Variants in SERAC1 observed in about 807,000 individuals in gnomAD.
SERAC1 encodes protein SERAC1.
A neutral mutation model predicts 85.7 loss-of-function variants in SERAC1; 36 were observed. The observed-to-expected ratio is 0.42, with a 90% CI of 0.32 to 0.55. SERAC1 has a LOEUF of 0.55. SERAC1 is among the 20% of genes least tolerant of loss of function. The probability of loss-of-function intolerance (pLI) is 0.11; values close to 1 mark genes in which losing one functional copy is unlikely to be tolerated. For missense variants in SERAC1, 629 were observed against 796.2 expected, an observed-to-expected ratio of 0.79 and a Z score of 2.53; for synonymous variants, 242 against 265.3, an observed-to-expected ratio of 0.91 and a Z score of 0.85.
In SERAC1 at chr6:158,114,953, A is replaced by G; in HGVS notation, c.1520T>C (p.Met507Thr). Residue 507 changes from methionine (M) to threonine (T), a missense_variant, in exon 15 of 17, where the codon ATG (methionine) becomes ACG (threonine). Transcript: ENST00000647468. ...HSMGGLLVKK[M>T]LLEASTKPEM... ...TGGCTTCGTAGAGGCTTCCAACAGC[A>G]TCTTTTTGACAAGAAGACCTAGCCA... The G allele has an allele frequency of 6.2e-7, 1 of 1,611,670 alleles. No individual in the cohort carries two copies. Among genetic ancestry groups the G allele is most frequent in the Non-Finnish European group, 8.5e-7 (1 of 1,179,070 alleles).
chr6:158,123,748 G>A (rs530034450), intron 10 of SERAC1, among the ~76,000 whole-genome samples: 1 of 152,114 alleles, frequency 6.6e-6, no homozygotes, highest in Middle Eastern at 3.2e-3. Flanking sequence ...GGGAGTTGTA[G>A]GTACTGGCAA....
intron 10 of SERAC1, among the ~76,000 whole-genome samples, chr6:158,124,602 G>A (rs765680771): frequency 5.3e-5 from 8 of 151,944 alleles, no homozygotes; most frequent in Non-Finnish European, 1.0e-4. Flanking sequence ...GCATTTCAGA[G>A]TCAAAAATCA....
chr6:158,134,741 G>A (rs1784752235), intron 8 of SERAC1, among the ~76,000 whole-genome samples: 1 of 152,074 alleles, frequency 6.6e-6, no homozygotes, highest in South Asian at 2.1e-4. Flanking sequence ...TGTTATTCAG[G>A]CAACATTCAT....
At position 158,113,632 on chromosome 6, in the gene SERAC1, AC is replaced by A. The variant is rs765675954; in HGVS notation, c.1685-41del. The A allele has an allele frequency of 6.5e-6, 10 of 1,532,334 alleles. No homozygotes were observed. The African/African-American group carries it at 1.4e-4, about 21-fold the overall frequency. The allele number at this position is 1,532,334 out of a possible 1,614,324, so 94.9% of individuals were successfully genotyped here. ...AGAACAAGACTGTGACAAGTTGTTT[AC>A]CCAATTCATAATAAAATGCATTAAT... On this transcript the variant is annotated intron_variant, in intron 15 of 16. Transcript: ENST00000647468.
intron 8 of SERAC1, among the ~76,000 whole-genome samples, chr6:158,131,253 A>G (rs1784665301): frequency 6.7e-6 from 1 of 149,186 alleles, no homozygotes; most frequent in Non-Finnish European, 1.5e-5. Flanking sequence ...AGTTGTTAGG[A>G]AAATAAATAC....
Position 158,120,334 on chromosome 6 carries a change from A to G in SERAC1, c.1166+91T>C. The G allele has an allele frequency of 7.8e-7, 1 of 1,289,936 alleles. No homozygotes were observed. Among genetic ancestry groups the G allele is most frequent in the Non-Finnish European group, 1.1e-6 (1 of 949,100 alleles). 79.9% of individuals were successfully genotyped at this position (1,289,936 alleles called of 1,614,324 possible). On this transcript the variant is annotated intron_variant, in intron 11 of 16. Coordinates refer to ENST00000647468, the MANE Select transcript of SERAC1 (RefSeq NM_032861.4). The surrounding 1 kb of genome is among the most constrained non-coding windows in gnomAD (Gnocchi z 4.4). ...ATTTGACTTATAAGTTATTTAACTT[A>G]TCTGAATTATGCAGAAATAAGTTAA...
intron 8 of SERAC1, among the ~76,000 whole-genome samples, chr6:158,135,138 G>C (rs1325040320): frequency 6.6e-6 from 1 of 152,090 alleles, no homozygotes; most frequent in Non-Finnish European, 1.5e-5. Context: ...GACAGAGAAA[G>C]GCTGAAAAAA....
chr6:158,117,274 C>T lies in SERAC1; in HGVS notation c.1403+453G>A, dbSNP rs1384212257. 1 of 527,738 alleles carries T rather than the reference C, an allele frequency of 1.9e-6. No individual in the cohort carries two copies. Among genetic ancestry groups the T allele is most frequent in the Non-Finnish European group, 3.3e-6 (1 of 298,888 alleles). 32.7% of individuals were successfully genotyped at this position (527,738 alleles called of 1,614,324 possible). On this transcript the variant is annotated intron_variant, in intron 13 of 16. Coordinates refer to ENST00000647468, the MANE Select transcript of SERAC1 (RefSeq NM_032861.4). The surrounding 1 kb of genome is among the most constrained non-coding windows in gnomAD (Gnocchi z 4.3). ...AAATCAAAGGTAGGATCCGGCTACT[C>T]TCAGTCCAGTAACTCTGAAATCCAG... is the stretch of plus-strand genomic sequence containing the variant.
chr6:158,140,234 G>C (rs1784884695), intron 8 of SERAC1, among the ~76,000 whole-genome samples: 1 of 152,170 alleles, frequency 6.6e-6, no homozygotes, highest in African/African-American at 2.4e-5. Flanking sequence ...AAGGGGGCTG[G>C]TGGCCAGAAA....
rs1354424451 is a variant in SERAC1 at position 158,117,517 on chromosome 6, C to T, written c.1403+210G>A. 5.2e-6 allele frequency: 8 copies of T among 1,550,384 alleles called. No individual in the cohort carries two copies. In the East Asian group the frequency reaches 2.0e-4, roughly 38 times the overall value. ...GTAAATAAACCATGTTAGGAGCCCA[C>T]CATTGGTGATATACCTAAGCCTTCT... On this transcript the variant is annotated intron_variant, in intron 13 of 16. Transcript: ENST00000647468. The surrounding 1 kb of genome is among the most constrained non-coding windows in gnomAD (Gnocchi z 4.3).
At chr6:158,158,572 A>G in intron 1 of SERAC1, 1 of 455,496 alleles carries the variant, frequency 2.2e-6, no homozygotes, top group Non-Finnish European at 3.9e-6. Context: ...TAGAATTTTC[A>G]TTATTCTTCC....
intron 10 of SERAC1, 29 bp downstream of exon 10, chr6:158,128,079 A>G (rs539707236): frequency 1.3e-6 from 2 of 1,598,746 alleles, no homozygotes; most frequent in South Asian, 2.2e-5. Context: ...AGAACAAAGT[A>G]AAAAATACTC....
chr6:158,153,800 G>C (rs1785260340), intron 3 of SERAC1, among the ~76,000 whole-genome samples: 1 of 152,012 alleles, frequency 6.6e-6, no homozygotes, highest in African/African-American at 2.4e-5. Flanking sequence ...CCAGATACTA[G>C]CTAGCACCAG....
intron 8 of SERAC1, among the ~76,000 whole-genome samples, chr6:158,142,794 T>G (rs1406063737): frequency 3.9e-5 from 6 of 152,130 alleles, no homozygotes; most frequent in African/African-American, 1.4e-4. Context: ...TAAGATAAAA[T>G]TTAAGAGTTA....
chr6:158,115,680 C>T (rs1456120207), intron 14 of SERAC1, among the ~76,000 whole-genome samples: 2 of 152,118 alleles, frequency 1.3e-5, no homozygotes, highest in Admixed American at 6.5e-5. Flanking sequence ...GAGGCCATTC[C>T]ATAAGCAACC....
chr6:158,164,263 CAGG>C (rs1785548897), intron 1 of SERAC1, among the ~76,000 whole-genome samples: 1 of 151,810 alleles, frequency 6.6e-6, no homozygotes, highest in South Asian at 2.1e-4. Flanking sequence ...ATCACGAGGT[CAGG>C]AGATCGAGAC....
At chr6:158,158,059 CAGA>C (rs1308106564) in intron 2 of SERAC1, among the ~76,000 whole-genome samples, 4 of 152,080 alleles carry the variant, frequency 2.6e-5, no homozygotes, top group African/African-American at 7.2e-5. Context: ...TGAAATTTGA[CAGA>C]AGAAGTAGAA....
chr6:158,142,865 A>C (rs968341153), intron 8 of SERAC1, among the ~76,000 whole-genome samples, 191 bp downstream of exon 8: 7 of 152,106 alleles, frequency 4.6e-5, no homozygotes, highest in Non-Finnish European at 1.5e-5. Flanking sequence ...AATCACCTTT[A>C]TCTCTCTTAC....
At chr6:158,141,174 T>G (rs1325513292) in intron 8 of SERAC1, among the ~76,000 whole-genome samples, 1 of 152,172 alleles carries the variant, frequency 6.6e-6, no homozygotes, top group Non-Finnish European at 1.5e-5. Flanking sequence ...TTATGCTAAG[T>G]GAAGGAAGTC....
Sources: allele counts gnomAD v4.1 joint callset (sites outside exome capture counted in the v4.1 genomes callset), GRCh38; gene constraint gnomAD v4.1.1; non-coding constraint Gnocchi (gnomAD v3.1); transcripts MANE v1.5; gene names NCBI Gene and HGNC (gene_info 2026-07-23, HGNC 2026-07-21).